Variants in FGF1 observed in about 807,000 individuals in gnomAD.
The protein encoded by FGF1 is beta-endothelial cell growth factor.
In FGF1, 9 loss-of-function variants were observed where a neutral mutation model predicts 13.4. The ratio of observed to expected loss-of-function variants is 0.67; its 90% CI spans 0.40 to 1.17. FGF1 has a LOEUF of 1.17. FGF1 is among the 50% of genes most tolerant of loss of function. FGF1 has a pLI of 0.01. For missense variants in FGF1, 156 were observed against 192.7 expected, an observed-to-expected ratio of 0.81 and a Z score of 1.13; for synonymous variants, 93 against 79.0, an observed-to-expected ratio of 1.18 and a Z score of -0.94.
At chr5:142,674,228 A>G (rs1273329674) in intron 1 of FGF1, among the ~76,000 whole-genome samples, 3 of 151,910 alleles carry the variant, frequency 2.0e-5, no homozygotes, top group South Asian at 4.1e-4. Flanking sequence ...GACTTGGTTT[A>G]TTTCTTTGTT....
At chr5:142,673,956 T>C (rs993775305) in intron 1 of FGF1, among the ~76,000 whole-genome samples, 4 of 152,194 alleles carry the variant, frequency 2.6e-5, no homozygotes, top group Non-Finnish European at 4.4e-5. Context: ...TTTTGACTAC[T>C]TTCCTCCAGA....
chr5:142,643,227 G>A (rs1317818069), intron 1 of FGF1, among the ~76,000 whole-genome samples: 8 of 151,786 alleles, frequency 5.3e-5, no homozygotes, highest in Admixed American at 3.3e-4. Flanking sequence ...AACAATTATC[G>A]AAGATATAAA....
rs139656130 is a variant in FGF1 at position 142,612,314 on chromosome 5, T to C, written c.169+1645A>G. 2.3e-3 allele frequency among the ~76,000 whole-genome samples: 349 copies of C among 152,304 alleles called. 1 individual carries two copies. Among genetic ancestry groups the C allele is most frequent in the African/African-American group, 8.0e-3 (332 of 41,558 alleles). ...TTTTCCATTGCTACAGAAATTCCAG[T>C]ATTGGAGCCTTTTTTTACTCCAGAA... On this transcript the variant is annotated intron_variant, in intron 2 of 3. Transcript: ENST00000337706.
intron 2 of FGF1, among the ~76,000 whole-genome samples, chr5:142,691,485 A>T (rs570804605): frequency 6.7e-6 from 1 of 149,342 alleles, no homozygotes; most frequent in African/African-American, 2.5e-5. Flanking sequence ...TAAAATAAAT[A>T]AAATATTTAC....
upstream of FGF1, among the ~76,000 whole-genome samples, chr5:142,689,173 A>G (rs1751733430): frequency 6.6e-6 from 1 of 152,188 alleles, no homozygotes; most frequent in Non-Finnish European, 1.5e-5. Context: ...CAAATGATAC[A>G]GTTATGTGAA....
At chr5:142,691,788 A>G (rs1752267769) in intron 2 of FGF1, among the ~76,000 whole-genome samples, 1 of 152,230 alleles carries the variant, frequency 6.6e-6, no homozygotes, top group Non-Finnish European at 1.5e-5. Context: ...GAGAGCTACC[A>G]GTCTTGACGA....
intron 1 of FGF1, among the ~76,000 whole-genome samples, chr5:142,673,435 CT>C (rs1366958344): frequency 6.6e-6 from 1 of 152,208 alleles, no homozygotes. Flanking sequence ...GGACAAAGAT[CT>C]TCCTTGTGTT....
chr5:142,602,651 G>A (rs537393683), intron 2 of FGF1, among the ~76,000 whole-genome samples: 12 of 152,008 alleles, frequency 7.9e-5, no homozygotes, highest in African/African-American at 2.2e-4. Context: ...GCTTGTGTGC[G>A]TATATTGCAA....
At chr5:142,679,158 GC>G (rs777598928) in intron 1 of FGF1, among the ~76,000 whole-genome samples, 1 of 152,048 alleles carries the variant, frequency 6.6e-6, no homozygotes, top group Non-Finnish European at 1.5e-5. Context: ...CCTCAGTATG[GC>G]CGCACAGTCT....
chr5:142,643,879 A>G (rs1765583890), intron 1 of FGF1, among the ~76,000 whole-genome samples: 1 of 152,250 alleles, frequency 6.6e-6, no homozygotes, highest in African/African-American at 2.4e-5. Context: ...TAGGTTTATT[A>G]TGAGTATGAA....
At chr5:142,692,232 G>A (rs1034308400) in intron 2 of FGF1, among the ~76,000 whole-genome samples, 1 of 152,204 alleles carries the variant, frequency 6.6e-6, no homozygotes, top group East Asian at 1.9e-4. Context: ...AGCTACTTGG[G>A]AGGCTGAGGT....
In FGF1 at chr5:142,600,753, G is replaced by T. The variant is rs991134822; in HGVS notation, c.222C>A (p.Thr74=). The change falls in exon 3 of 4, where the codon ACC becomes ACA. Residue 74 remains threonine, a synonymous_variant. Coordinates refer to ENST00000337706, the MANE Select transcript of FGF1 (RefSeq NM_000800.5). Reference sequence around the variant, plus strand: ...CCATGGCCAAGTACTGGCCAGTCTCGGTACTCTTTATATACACCTCCCCCA... The same window carrying T: ...CCATGGCCAAGTACTGGCCAGTCTCTGTACTCTTTATATACACCTCCCCCA... ...ESVGEVYIKS[T]ETGQYLAMDT... 6 of 1,613,878 alleles carry T rather than the reference G, an allele frequency of 3.7e-6. No individual in the cohort carries two copies. The highest frequency in any genetic ancestry group is 4.2e-6 in the Non-Finnish European group (5 of 1,179,838).
chr5:142,621,073 C>T (rs571845527), intron 1 of FGF1, among the ~76,000 whole-genome samples: 1 of 152,278 alleles, frequency 6.6e-6, no homozygotes, highest in African/African-American at 2.4e-5. Context: ...TCCAGCACTG[C>T]CTTCTTTCAA....
chr5:142,619,702 GCA>G (rs1761105933), intron 1 of FGF1, among the ~76,000 whole-genome samples: 2 of 151,986 alleles, frequency 1.3e-5, no homozygotes, highest in Non-Finnish European at 2.9e-5. Context: ...GCATGGTGGC[GCA>G]TGCCTGTAAT....
chr5:142,615,164 C>G (rs183031478), intron 1 of FGF1, among the ~76,000 whole-genome samples: 28 of 151,636 alleles, frequency 1.8e-4, no homozygotes. Context: ...GCTGGTGACT[C>G]TAAAAACTGA....
chr5:142,676,599 T>C (rs1214004766), intron 1 of FGF1, among the ~76,000 whole-genome samples: 1 of 152,222 alleles, frequency 6.6e-6, no homozygotes, highest in East Asian at 1.9e-4. Flanking sequence ...ACCAACATGC[T>C]ACCCTACCAG....
At chr5:142,673,155 A>C (rs1263543669) in intron 1 of FGF1, among the ~76,000 whole-genome samples, 1 of 152,112 alleles carries the variant, frequency 6.6e-6, no homozygotes, top group Non-Finnish European at 1.5e-5. Context: ...GAGCACGGAA[A>C]ACTGTTCAGG....
chr5:142,632,922 C>CTTT (rs5871821), intron 1 of FGF1, among the ~76,000 whole-genome samples: 1 of 140,618 alleles, frequency 7.1e-6, no homozygotes, highest in Non-Finnish European at 1.5e-5. Context: ...AGGTTGTTTA[C>CTTT]TTTTTTTTTT....
chr5:142,636,137 C>A (rs1764211578), intron 1 of FGF1, among the ~76,000 whole-genome samples: 1 of 152,264 alleles, frequency 6.6e-6, no homozygotes, highest in Admixed American at 6.5e-5. Context: ...TTTTCTGCTT[C>A]TGCAGTGAGA....
Sources: gnomAD v4.1 joint callset for allele counts (sites outside exome capture counted in the v4.1 genomes callset) on GRCh38, gnomAD v4.1.1 for gene constraint, MANE v1.5 for transcripts, NCBI Gene and HGNC (gene_info 2026-07-23, HGNC 2026-07-21) for gene names.